Variants in NSG2 observed in about 807,000 individuals in gnomAD.
NSG2 encodes neuronal vesicle trafficking associated 2, also known as neuronal vesicle trafficking-associated protein 2.
A neutral mutation model predicts 16.9 loss-of-function variants in NSG2; 4 were observed. The ratio of observed to expected loss-of-function variants is 0.24; its 90% CI spans 0.12 to 0.54. The LOEUF is 0.54. Among genes scored for constraint, NSG2 ranks in the 20% least tolerant of loss-of-function variants. The pLI is 0.95. For synonymous variants in NSG2, 98 were observed against 88.7 expected (o/e 1.11, Z -0.59); for missense variants, 179 against 221.1 (o/e 0.81, Z 1.21).
chr5:174,071,571 G>T (rs1488329290), intron 3 of NSG2, among the ~76,000 whole-genome samples: 1 of 152,242 alleles, frequency 6.6e-6, no homozygotes, highest in Non-Finnish European at 1.5e-5. Flanking sequence ...AACCCCAGTT[G>T]CAGTTTCAGG....
chr5:174,093,123 C>A (rs1003125961), intron 3 of NSG2, among the ~76,000 whole-genome samples: 5 of 152,160 alleles, frequency 3.3e-5, no homozygotes, highest in Admixed American at 2.6e-4. Context: ...ATAATCCTCA[C>A]CCTGCCCCTC....
chr5:174,090,969 G>T (rs1015980794), intron 3 of NSG2, among the ~76,000 whole-genome samples: 1 of 150,940 alleles, frequency 6.6e-6, no homozygotes, highest in Non-Finnish European at 1.5e-5. Flanking sequence ...ATTTGGGAAT[G>T]ATATTTAATT....
At position 174,064,329 on chromosome 5, in the gene NSG2, T is replaced by A. The variant is rs1426257267; in HGVS notation, c.213+14T>A. On this transcript the variant is annotated intron_variant, in intron 3 of 4. Transcript: ENST00000303177. ...GCTGAATTTACGGTCAGTTTCTTGA[T>A]GGTGTAATAGAAAGAGTAAAGGAGA... 1 of 1,601,274 alleles carries A rather than the reference T, an allele frequency of 6.2e-7. No individual in the cohort carries two copies. Among genetic ancestry groups the A allele is most frequent in the South Asian group, 1.1e-5 (1 of 90,146 alleles).
intron 3 of NSG2, among the ~76,000 whole-genome samples, chr5:174,086,116 A>G (rs1760614552): frequency 6.6e-6 from 1 of 152,068 alleles, no homozygotes; most frequent in South Asian, 2.1e-4. Flanking sequence ...GTACCTGGCC[A>G]CAGGAGCCCA....
chr5:174,045,791 C>T lies in NSG2; in HGVS notation c.-75C>T, dbSNP rs899721560. On this transcript the variant is annotated 5_prime_UTR_variant, in exon 1 of 5. Transcript: ENST00000303177. ...AGGAGGGAGGACTCCTGGCCGTCCT[C>T]CTCCTCTTCAAATTGGCTTGAATCT... 1 of 152,442 alleles carries T rather than the reference C, an allele frequency of 6.6e-6. No homozygotes were observed. Among genetic ancestry groups the T allele is most frequent in the Non-Finnish European group, 1.5e-5 (1 of 68,088 alleles). 9.4% of individuals were successfully genotyped at this position (152,442 alleles called of 1,614,324 possible). A position where few individuals can be genotyped will look rare whatever the true frequency, so the allele number is the denominator to read the frequency against.
intron 3 of NSG2, among the ~76,000 whole-genome samples, chr5:174,093,344 GC>G (rs1448046736): frequency 1.3e-5 from 2 of 152,146 alleles, no homozygotes; most frequent in Non-Finnish European, 2.9e-5. Flanking sequence ...GCACTACCAC[GC>G]CCCGCCATCC....
At chr5:174,073,043 G>A (rs192499860) in intron 3 of NSG2, among the ~76,000 whole-genome samples, 35 of 152,266 alleles carry the variant, frequency 2.3e-4, no homozygotes, top group Admixed American at 5.2e-4. Flanking sequence ...AAAAAAATCC[G>A]TATGGCTGAC....
intron 3 of NSG2, among the ~76,000 whole-genome samples, chr5:174,090,107 G>A (rs987239638): frequency 2.0e-5 from 3 of 152,196 alleles, no homozygotes; most frequent in Non-Finnish European, 4.4e-5. Context: ...GGGCAGCTGT[G>A]TTGACGGTCC....
At chr5:174,078,746 A>G (rs1760390840) in intron 3 of NSG2, among the ~76,000 whole-genome samples, 1 of 152,194 alleles carries the variant, frequency 6.6e-6, no homozygotes, top group Non-Finnish European at 1.5e-5. Flanking sequence ...AGCTTGATCT[A>G]CCCTTCCACC....
chr5:174,073,798 C>T (rs1760286122), intron 3 of NSG2, among the ~76,000 whole-genome samples: 1 of 152,184 alleles, frequency 6.6e-6, no homozygotes, highest in African/African-American at 2.4e-5. Flanking sequence ...TTATTACCGG[C>T]TTTACATTCT....
intron 3 of NSG2, among the ~76,000 whole-genome samples, chr5:174,075,619 C>T (rs1760327646): frequency 6.6e-6 from 1 of 152,186 alleles, no homozygotes; most frequent in Non-Finnish European, 1.5e-5. Context: ...GAAAGAGATG[C>T]CGTTTTCCCC....
In NSG2 at chr5:174,108,274, ATTT is replaced by A; in HGVS notation, c.*771_*773del. On this transcript the variant is annotated 3_prime_UTR_variant, in exon 5 of 5. Transcript: ENST00000303177. ...CAGATTTTCTTTGTCTTTTGCTTGC[ATTT>A]TCTAGATCCACACCTGGATACTGCC... 16 of 158,676 alleles carry A rather than the reference ATTT, an allele frequency of 1.0e-4. No homozygotes were observed. Among genetic ancestry groups the A allele is most frequent in the Admixed American group, 4.1e-4 (7 of 17,000 alleles). 9.8% of individuals were successfully genotyped at this position (158,676 alleles called of 1,614,324 possible). A position where few individuals can be genotyped will look rare whatever the true frequency, so the allele number is the denominator to read the frequency against.
At position 174,103,661 on chromosome 5, in the gene NSG2, G is replaced by T. The variant is rs150116547; in HGVS notation, c.214-567G>T. On this transcript the variant is annotated intron_variant, in intron 3 of 4. Transcript: ENST00000303177. ...GGAAATCACATGTTAAATCAGAAAG[G>T]AGTGGTCGGGTGCAGTGGCTCATGC... Among the ~76,000 whole-genome samples the T allele has an allele frequency of 2.1e-3, 325 of 152,164 alleles. 1 individual carries two copies. The highest frequency in any genetic ancestry group is 7.4e-3 in the African/African-American group (306 of 41,524).
At chr5:174,091,101 G>A (rs1486454532) in intron 3 of NSG2, 2 of 141,856 alleles carry the variant, frequency 1.4e-5, no homozygotes, top group South Asian at 2.3e-4. Context: ...AGGAATGGAA[G>A]TAGCTTAATG....
intron 3 of NSG2, among the ~76,000 whole-genome samples, chr5:174,079,549 C>T (rs1760411412): frequency 6.6e-6 from 1 of 152,184 alleles, no homozygotes; most frequent in African/African-American, 2.4e-5. Flanking sequence ...AGCCACCATG[C>T]CTGGCCATGC....
At chr5:174,048,933 T>C (rs933228494) in intron 2 of NSG2, among the ~76,000 whole-genome samples, 2 of 152,192 alleles carry the variant, frequency 1.3e-5, no homozygotes, top group Admixed American at 1.3e-4. Context: ...ACACAGTCTT[T>C]CACCAGGGTG....
chr5:174,093,217 G>A (rs771713696), intron 3 of NSG2, among the ~76,000 whole-genome samples: 14 of 152,050 alleles, frequency 9.2e-5, no homozygotes, highest in Non-Finnish European at 1.6e-4. Flanking sequence ...GGAGTTGCAG[G>A]GCCATGAAGT....
chr5:174,108,080 A>C lies in NSG2; in HGVS notation c.*575A>C. On this transcript the variant is annotated 3_prime_UTR_variant, in exon 5 of 5. Coordinates refer to ENST00000303177, the MANE Select transcript of NSG2 (RefSeq NM_015980.5). The stretch of plus-strand genomic sequence containing the variant: ...AGCTGATTTTGGCATTACTAAGCCC[A>C]GAACGCACATAACCCATAGTGAAAT... 3.4e-6 allele frequency: 1 copy of C among 295,256 alleles called. No individual in the cohort carries two copies. The highest frequency in any genetic ancestry group is 3.0e-5 in the South Asian group (1 of 33,032). 18.3% of individuals were successfully genotyped at this position (295,256 alleles called of 1,614,324 possible). A position where few individuals can be genotyped will look rare whatever the true frequency, so the allele number is the denominator to read the frequency against.
intron 2 of NSG2, among the ~76,000 whole-genome samples, 153 bp from the exon 3 acceptor site, chr5:174,064,079 A>C (rs571882619): frequency 7.9e-5 from 12 of 152,222 alleles, no homozygotes; most frequent in Non-Finnish European, 1.3e-4. Flanking sequence ...AAGTATTATG[A>C]GTAACTTGAA....
Sources: allele counts gnomAD v4.1 joint callset (sites outside exome capture counted in the v4.1 genomes callset), GRCh38; gene constraint gnomAD v4.1.1; transcripts MANE v1.5; gene names NCBI Gene and HGNC (gene_info 2026-07-23, HGNC 2026-07-21).